Variants in SAMD3 observed in about 807,000 individuals in gnomAD.
SAMD3 encodes the protein sterile alpha motif domain containing 3.
In SAMD3, 63 loss-of-function variants were observed where a neutral mutation model predicts 58.5. That is an observed-to-expected ratio of 1.08 (90% confidence interval 0.88 to 1.33). SAMD3 has a LOEUF of 1.33. Among genes scored for constraint, SAMD3 ranks in the 40% most tolerant of loss-of-function variants. SAMD3 has a pLI of 0.00. For missense variants in SAMD3, 604 were observed against 608.4 expected, an observed-to-expected ratio of 0.99 and a Z score of 0.08; for synonymous variants, 220 against 210.3, an observed-to-expected ratio of 1.05 and a Z score of -0.40.
At chr6:130,222,986 G>A (rs1386976408), upstream of SAMD3, 1 of 152,216 alleles carries the variant, frequency 6.6e-6, no homozygotes, top group African/African-American at 2.4e-5. Context: ...CATAAGGTAA[G>A]TTTGAAACAG....
At chr6:130,149,937 C>T (rs1788992797) in intron 9 of SAMD3, among the ~76,000 whole-genome samples, 1 of 152,190 alleles carries the variant, frequency 6.6e-6, no homozygotes, top group Admixed American at 6.5e-5. Context: ...TCATCTTAAT[C>T]CTTTTTCTTT....
intron 2 of SAMD3, among the ~76,000 whole-genome samples, chr6:130,240,799 C>T (rs1773329099): frequency 6.6e-6 from 1 of 152,170 alleles, no homozygotes; most frequent in South Asian, 2.1e-4. Flanking sequence ...AGAAAGAATG[C>T]CCACACCGGA....
chr6:130,329,242 T>G (rs1474098582), intron 1 of SAMD3, among the ~76,000 whole-genome samples: 2 of 140,372 alleles, frequency 1.4e-5, no homozygotes, highest in Admixed American at 7.3e-5. Flanking sequence ...AAATATAGAT[T>G]AACAGAATCA....
At chr6:130,349,841 A>T (rs1166732959) in intron 1 of SAMD3, among the ~76,000 whole-genome samples, 1 of 152,192 alleles carries the variant, frequency 6.6e-6, no homozygotes, top group Non-Finnish European at 1.5e-5. Context: ...TGGCAAATCG[A>T]ATCCAGCAGC....
chr6:130,157,244 C>G (rs1017679251), intron 8 of SAMD3, among the ~76,000 whole-genome samples: 1 of 151,872 alleles, frequency 6.6e-6, no homozygotes, highest in Non-Finnish European at 1.5e-5. Context: ...GAAAAAGTAT[C>G]TTATAATATC....
intron 7 of SAMD3, among the ~76,000 whole-genome samples, chr6:130,178,127 A>G (rs1424106540): frequency 6.6e-6 from 1 of 151,858 alleles, no homozygotes. Context: ...GACATGTGCC[A>G]CCACAGCCAG....
intron 2 of SAMD3, among the ~76,000 whole-genome samples, chr6:130,264,997 T>C (rs917817351): frequency 8.5e-5 from 13 of 152,186 alleles, no homozygotes; most frequent in African/African-American, 3.1e-4. Context: ...ATGGCCTTGT[T>C]AGCACAAGAA....
intron 1 of SAMD3, among the ~76,000 whole-genome samples, chr6:130,362,147 A>C (rs1778006478): frequency 6.6e-6 from 1 of 152,246 alleles, no homozygotes. Flanking sequence ...TAAGCAGAGC[A>C]CCAGGGAAGT....
At chr6:130,308,364 TATTCTATTCTATTCTATTC>T (rs1562512780) in intron 2 of SAMD3, among the ~76,000 whole-genome samples, 358 of 51,814 alleles carry the variant, frequency 6.9e-3, no homozygotes, top group Non-Finnish European at 9.6e-3. Context: ...TATTCTATTC[TATTCTATTCTATTCTATTC>T]TATTCTATTC....
chr6:130,157,079 ATAAATAAATAAAT>A lies in SAMD3; in HGVS notation c.823-2067_823-2055del, dbSNP rs1395485542. ...AGTGAGACTCCGTCTCAAAAAATAAATAAATAAATAAATAAATAAATAAATAAATAAATAAATA... is the reference window on the plus strand; with the variant it reads ...AGTGAGACTCCGTCTCAAAAAATAAAAAATAAATAAATAAATAAATAAATA... On this transcript the variant is annotated intron_variant, in intron 8 of 11. Transcript: ENST00000439090. 1.6e-4 allele frequency among the ~76,000 whole-genome samples: 6 copies of A among 36,554 alleles called. No homozygotes were observed. In the East Asian group the frequency reaches 2.4e-3, roughly 15 times the overall value. 24.0% of individuals were successfully genotyped at this position (36,554 alleles called of 152,430 possible). A position where few individuals can be genotyped will look rare whatever the true frequency, so the allele number is the denominator to read the frequency against.
intron 8 of SAMD3, among the ~76,000 whole-genome samples, chr6:130,170,370 C>T (rs1285877083): frequency 6.6e-6 from 1 of 152,194 alleles, no homozygotes; most frequent in Admixed American, 6.5e-5. Flanking sequence ...CTGTAAAGGA[C>T]ATGAACTCAT....
intron 2 of SAMD3, among the ~76,000 whole-genome samples, chr6:130,274,120 A>T (rs1774685919): frequency 6.6e-6 from 1 of 152,114 alleles, no homozygotes; most frequent in Non-Finnish European, 1.5e-5. Flanking sequence ...GACAATCTTT[A>T]CCTCTCCATT....
At chr6:130,303,782 T>C (rs551046838) in intron 2 of SAMD3, among the ~76,000 whole-genome samples, 199 of 152,320 alleles carry the variant, frequency 1.3e-3, no homozygotes, top group Non-Finnish European at 2.2e-3. Flanking sequence ...ATGCACTTTA[T>C]TGGCCTGGTA....
chr6:130,348,319 T>C (rs549181802), intron 1 of SAMD3, among the ~76,000 whole-genome samples: 35 of 152,252 alleles, frequency 2.3e-4, no homozygotes, highest in Non-Finnish European at 4.9e-4. Flanking sequence ...CAGTGTGCTG[T>C]ATTCAGGAAA....
At position 130,286,328 on chromosome 6, in the gene SAMD3, A is replaced by T. The variant is rs537788554; in HGVS notation, c.-188+26650T>A. The T allele has an allele frequency of 1.8e-4, 27 of 152,476 alleles. 3 individuals carry two copies. The highest frequency in any genetic ancestry group is 1.8e-3 in the Admixed American group (27 of 15,300). 9.4% of individuals were successfully genotyped at this position (152,476 alleles called of 1,614,324 possible). On this transcript the variant is annotated intron_variant, in intron 2 of 13. Transcript: ENST00000368134. ...AGGAGAGAGGCAGTGTAGCAAGGGA[A>T]AAGGAAAGATCAAGATGGTAGGCAT...
chr6:130,146,099 A>G lies in SAMD3; in HGVS notation c.1106T>C (p.Ile369Thr), dbSNP rs540276793. The change falls in exon 10 of 12, where the codon ATA (isoleucine) becomes ACA (threonine). Residue 369 changes from isoleucine (I) to threonine (T), a missense_variant. Physicochemically the swap from Ile to Thr is moderately conservative, Grantham distance 89. Transcript: ENST00000439090. ...RHILESYSEN[I>T]LTSFSVVDNP... is the part of the protein sequence containing the mutation. ...GTCCACCACTGAAAAAGAAGTCAGT[A>G]TATTTTCTGAATAGGATTCCAAAAT... 1.9e-6 allele frequency: 3 copies of G among 1,601,400 alleles called. No individual in the cohort carries two copies. The highest frequency in any genetic ancestry group is 2.3e-5 in the South Asian group (2 of 88,818).
intron 2 of SAMD3, among the ~76,000 whole-genome samples, chr6:130,271,883 G>A (rs7761486): frequency 0.31 from 47,264 of 152,018 alleles, 7,723 homozygotes; most frequent in East Asian, 0.47. Flanking sequence ...CAGATCTCAT[G>A]AGACTTATTC....
At chr6:130,287,840 G>C (rs1004163780) in intron 2 of SAMD3, among the ~76,000 whole-genome samples, 2 of 152,068 alleles carry the variant, frequency 1.3e-5, no homozygotes, top group South Asian at 4.1e-4. Flanking sequence ...AGCTCCTCGG[G>C]AGGTTGAGGC....
chr6:130,307,279 G>A (rs550310917), intron 2 of SAMD3, among the ~76,000 whole-genome samples: 2 of 152,346 alleles, frequency 1.3e-5, no homozygotes, highest in African/African-American at 2.4e-5. Flanking sequence ...CTCTTGCACT[G>A]TAATGCTCTG....
Sources: gnomAD v4.1 joint callset for allele counts (sites outside exome capture counted in the v4.1 genomes callset) on GRCh38, gnomAD v4.1.1 for gene constraint, MANE v1.5 for transcripts, NCBI Gene and HGNC (gene_info 2026-07-23, HGNC 2026-07-21) for gene names.